The following SPTBN1 variants were observed in gnomAD, a reference collection of about 807,000 sequenced individuals.
SPTBN1 encodes spectrin beta chain, non-erythrocytic 1.
SPTBN1 carries 32 observed loss-of-function variants against 266.4 expected under a neutral mutation model. The ratio of observed to expected loss-of-function variants is 0.12; its 90% CI spans 0.09 to 0.16. The LOEUF (loss-of-function observed/expected upper bound fraction) is 0.16. Ranked by LOEUF, SPTBN1 falls within the 10% of genes least tolerant of loss-of-function variation. The pLI is 1.00. For synonymous variants in SPTBN1, 1,336 were observed against 1,162.2 expected (o/e 1.15, Z -3.04); for missense variants, 2,296 against 3,067.1 (o/e 0.75, Z 5.94).
Position 54,664,441 on chromosome 2 carries a change from C to G in SPTBN1, c.6421-12C>G. ...CACGGAGTTAGCTGAATGGCCTCTC[C>G]GCTGTCCCTAGATGGCAGAAACGGT... On this transcript the variant is annotated splice_polypyrimidine_tract_variant and intron_variant, in intron 32 of 35. Transcript: ENST00000356805. The surrounding 1 kb of genome is among the most constrained non-coding windows in gnomAD (Gnocchi z 5.6). 1 of 1,606,246 alleles carries G rather than the reference C, an allele frequency of 6.2e-7. No individual in the cohort carries two copies. The highest frequency in any genetic ancestry group is 8.5e-7 in the Non-Finnish European group (1 of 1,173,544).
intron 2 of SPTBN1, among the ~76,000 whole-genome samples, chr2:54,587,554 A>C (rs2104605989): frequency 6.6e-6 from 1 of 152,338 alleles, no homozygotes; most frequent in South Asian, 2.1e-4. Context: ...AGTTACCCTC[A>C]GCCCACCTTG....
chr2:54,638,554 T>C (rs1367992614), intron 18 of SPTBN1, among the ~76,000 whole-genome samples: 1 of 152,250 alleles, frequency 6.6e-6, no homozygotes, highest in Non-Finnish European at 1.5e-5. Flanking sequence ...TTCTGATACA[T>C]GCACAAACTT....
Position 54,616,266 on chromosome 2 carries a change from A to G in SPTBN1, c.534A>G (p.Ala178=). The G allele has an allele frequency of 2.5e-6, 4 of 1,614,044 alleles. No homozygotes were observed. Among genetic ancestry groups the G allele is most frequent in the Non-Finnish European group, 3.4e-6 (4 of 1,179,916 alleles). ...AAGAGAAGAAATCTGCCAAGGATGC[A>G]TTGCTGTTGTGGTGCCAGATGAAGA... The part of the protein sequence containing the change: ...DNKEKKSAKD[A]LLLWCQMKTA... The change falls in exon 5 of 36, where the codon GCA becomes GCG. Residue 178 remains alanine, a synonymous_variant. Transcript: ENST00000356805.
At chr2:54,512,619 T>C (rs1198821246) in intron 1 of SPTBN1, among the ~76,000 whole-genome samples, 6 of 152,246 alleles carry the variant, frequency 3.9e-5, no homozygotes, top group Admixed American at 3.9e-4. Flanking sequence ...TATCCAAATA[T>C]GACCCCTCAT....
rs140100802 is a variant in SPTBN1, at chr2:54,531,466, C to T, written c.148+4900C>T. ...AGAAATGGGGTCTTTCTGTGTTGCTCAGGCTAGAGTACAGTGGTAGAGTCA... is the reference window on the plus strand; with the variant it reads ...AGAAATGGGGTCTTTCTGTGTTGCTTAGGCTAGAGTACAGTGGTAGAGTCA... On this transcript the variant is annotated intron_variant, in intron 2 of 35. Coordinates refer to ENST00000356805, the MANE Select transcript of SPTBN1 (RefSeq NM_003128.3). 8.7e-4 allele frequency among the ~76,000 whole-genome samples: 133 copies of T among 152,250 alleles called. 1 individual carries two copies. Among genetic ancestry groups the T allele is most frequent in the African/African-American group, 3.1e-3 (129 of 41,528 alleles).
At chr2:54,552,716 A>C (rs1231306380) in intron 2 of SPTBN1, among the ~76,000 whole-genome samples, 1 of 152,044 alleles carries the variant, frequency 6.6e-6, no homozygotes, top group African/African-American at 2.4e-5. Flanking sequence ...TGGCCTCCCA[A>C]AGTGCTGGGA....
chr2:54,630,250 C>T (rs1007272829), intron 15 of SPTBN1, among the ~76,000 whole-genome samples: 5 of 152,212 alleles, frequency 3.3e-5, no homozygotes, highest in African/African-American at 1.2e-4. Context: ...TGAGTCAGCC[C>T]AGCATCTGCC....
rs79972673 is a variant in SPTBN1, at chr2:54,461,966, A to G, written c.-48+5448A>G. ...TGTGAGGGTAATTTTCTTATTTCAG[A>G]AAAGTTTTTCTTTGTTTGGAAAGAG... On this transcript the variant is annotated intron_variant, in intron 1 of 35. Transcript: ENST00000356805. Among the ~76,000 whole-genome samples, 1,036 of 152,286 alleles carry G rather than the reference A, an allele frequency of 6.8e-3. 12 individuals are homozygous for G. The highest frequency in any genetic ancestry group is 0.023 in the African/African-American group (953 of 41,552).
intron 2 of SPTBN1, among the ~76,000 whole-genome samples, chr2:54,534,778 C>T (rs1174091691): frequency 6.6e-6 from 1 of 152,184 alleles, no homozygotes; most frequent in Non-Finnish European, 1.5e-5. Flanking sequence ...GGTGAGTGAT[C>T]CAGGCATGGG....
In SPTBN1 at chr2:54,669,408, T is replaced by TCGTG. The variant is rs1681596129; in HGVS notation, c.*843_*846dup. 1 of 152,692 alleles carries TCGTG rather than the reference T, an allele frequency of 6.5e-6. No individual in the cohort carries two copies. Among genetic ancestry groups the TCGTG allele is most frequent in the South Asian group, 2.1e-4 (1 of 4,834 alleles). 9.5% of individuals were successfully genotyped at this position (152,692 alleles called of 1,614,324 possible). A position where few individuals can be genotyped will look rare whatever the true frequency, so the allele number is the denominator to read the frequency against. On this transcript the variant is annotated 3_prime_UTR_variant, in exon 36 of 36. Transcript: ENST00000356805. ...TAATGTTACTCTAATGGTTACTTGC[T>TCGTG]CGTGCGTTGCCACACTGTGTTATAA...
chr2:54,608,397 G>A (rs1313403643), intron 3 of SPTBN1, among the ~76,000 whole-genome samples: 1 of 152,178 alleles, frequency 6.6e-6, no homozygotes, highest in African/African-American at 2.4e-5. Context: ...GAATGTCTCC[G>A]GGAAGGAAAG....
chr2:54,645,837 C>G lies in SPTBN1; in HGVS notation c.4495-91C>G. 1.4e-6 allele frequency: 2 copies of G among 1,408,488 alleles called. No individual in the cohort carries two copies. Among genetic ancestry groups the G allele is most frequent in the Non-Finnish European group, 2.0e-6 (2 of 1,005,374 alleles). The allele number at this position is 1,408,488 out of a possible 1,614,324, so 87.2% of individuals were successfully genotyped here. A position where few individuals can be genotyped will look rare whatever the true frequency, so the allele number is the denominator to read the frequency against. ...GGCTGAGCACTCTCTGAAGCTCACCCTTGCTGTCCCTCACTGCCCCTCACT... is the reference window on the plus strand; with the variant it reads ...GGCTGAGCACTCTCTGAAGCTCACCGTTGCTGTCCCTCACTGCCCCTCACT... On this transcript the variant is annotated intron_variant, in intron 21 of 35. Transcript: ENST00000356805. This position sits in a 1 kb window ranked among gnomAD's most constrained non-coding sequence, Gnocchi z 4.3.
intron 17 of SPTBN1, 41 bp from the exon 18 acceptor site, chr2:54,637,672 A>C: frequency 6.8e-7 from 1 of 1,468,602 alleles, no homozygotes; most frequent in Non-Finnish European, 9.5e-7. Flanking sequence ...AAGATTCTCT[A>C]CTTCCTTTTT....
In SPTBN1 at chr2:54,456,941, G is replaced by GGACAGCGGACAGCC. The variant is rs1553425343; in HGVS notation, c.-48+429_-48+430insGGACAGCCGACAGC. The stretch of plus-strand genomic sequence containing the variant: ...CGGAGGTGGGTGCGGAGCGGACAGC[G>GGACAGCGGACAGCC]GACAGCCGGAGGGTCTATTTTCAGG... On this transcript the variant is annotated intron_variant, in intron 1 of 35. Transcript: ENST00000356805. Among the ~76,000 whole-genome samples the GGACAGCGGACAGCC allele has an allele frequency of 8.7e-5, 13 of 149,482 alleles. 1 individual carries two copies. The highest frequency in any genetic ancestry group is 1.8e-4 in the Non-Finnish European group (12 of 67,740).
At chr2:54,536,435 G>A (rs980176332) in intron 2 of SPTBN1, among the ~76,000 whole-genome samples, 3 of 152,140 alleles carry the variant, frequency 2.0e-5, no homozygotes, top group South Asian at 2.1e-4. Context: ...TTGATGCTAG[G>A]TAGATGTTAA....
intron 5 of SPTBN1, among the ~76,000 whole-genome samples, 169 bp from the exon 6 acceptor site, chr2:54,617,439 G>T (rs1464247764): frequency 6.6e-6 from 1 of 152,204 alleles, no homozygotes; most frequent in African/African-American, 2.4e-5. Context: ...TTATTTTATG[G>T]CAGGCTCGAG....
intron 28 of SPTBN1, among the ~76,000 whole-genome samples, 187 bp from the exon 29 acceptor site, chr2:54,655,727 T>A (rs1390262101): frequency 6.6e-6 from 1 of 152,248 alleles, no homozygotes; most frequent in Admixed American, 6.5e-5. Context: ...TCCAGCCCCT[T>A]CTGGAAGGAG....
intron 2 of SPTBN1, among the ~76,000 whole-genome samples, chr2:54,576,357 A>C (rs1424200468): frequency 6.6e-6 from 1 of 152,082 alleles, no homozygotes; most frequent in African/African-American, 2.4e-5. Context: ...CCCGGCCTTC[A>C]GCTCTTCTTT....
chr2:54,481,438 G>T (rs1030657335), intron 1 of SPTBN1, among the ~76,000 whole-genome samples: 11 of 76,952 alleles, frequency 1.4e-4, no homozygotes, highest in East Asian at 5.3e-4. Flanking sequence ...GTGTGTGTGT[G>T]TGTTTTGTTT....
Sources: gnomAD v4.1 joint callset for allele counts (sites outside exome capture counted in the v4.1 genomes callset) on GRCh38, gnomAD v4.1.1 for gene constraint, Gnocchi (gnomAD v3.1) non-coding constraint, MANE v1.5 for transcripts, NCBI Gene and HGNC (gene_info 2026-07-23, HGNC 2026-07-21) for gene names.